PAK2: variants seen among roughly 807,000 people sequenced by gnomAD.
PAK2 encodes the protein p21 (RAC1) activated kinase 2.
A neutral mutation model predicts 65.9 loss-of-function variants in PAK2; 21 were observed. The observed-to-expected ratio is 0.32, with a 90% CI of 0.23 to 0.46. The LOEUF (loss-of-function observed/expected upper bound fraction) is 0.46, where lower values mean the gene tolerates loss of function less well. Among genes scored for constraint, PAK2 ranks in the 20% least tolerant of loss-of-function variants. The pLI, the probability that PAK2 is intolerant of heterozygous loss-of-function variation, is 1.00. For synonymous variants in PAK2, 204 were observed against 219.7 expected (o/e 0.93, Z 0.63); for missense variants, 324 against 642.6 (o/e 0.50, Z 5.36).
intron 2 of PAK2, among the ~76,000 whole-genome samples, chr3:196,799,350 A>T (rs1438149807): frequency 2.0e-5 from 3 of 152,240 alleles, no homozygotes; most frequent in Non-Finnish European, 4.4e-5. Flanking sequence ...TGCGCTCTGC[A>T]CTGATAACTA....
chr3:196,751,053 C>T (rs910825516), intron 1 of PAK2, among the ~76,000 whole-genome samples: 2 of 152,098 alleles, frequency 1.3e-5, no homozygotes, highest in Non-Finnish European at 2.9e-5. Flanking sequence ...TACCTCCAGC[C>T]CCCAGTAGCC....
intron 1 of PAK2, among the ~76,000 whole-genome samples, chr3:196,743,911 T>A (rs552621883): frequency 6.6e-6 from 1 of 151,766 alleles, no homozygotes; most frequent in East Asian, 1.9e-4. Flanking sequence ...AACAAAAAAC[T>A]GCCTTCTAAA....
chr3:196,790,847 G>T (rs980186657), intron 2 of PAK2, among the ~76,000 whole-genome samples: 1 of 152,162 alleles, frequency 6.6e-6, no homozygotes, highest in African/African-American at 2.4e-5. Flanking sequence ...CCCCCACCCT[G>T]GAGAGGGCCA....
At chr3:196,800,268 G>C (rs1378458786) in intron 2 of PAK2, among the ~76,000 whole-genome samples, 1 of 152,062 alleles carries the variant, frequency 6.6e-6, no homozygotes, top group Non-Finnish European at 1.5e-5. Flanking sequence ...TGTAATCCCA[G>C]CTCCTCAGGA....
chr3:196,758,953 C>T (rs745524078), intron 1 of PAK2, among the ~76,000 whole-genome samples: 7 of 152,122 alleles, frequency 4.6e-5, no homozygotes, highest in South Asian at 4.2e-4. Flanking sequence ...CCACCACACC[C>T]GTCCAAGGAT....
chr3:196,812,093 TTTAAGCACGTTAGGTCATCCTG>T, intron 8 of PAK2, 104 bp from the exon 9 acceptor site: 1 of 603,190 alleles, frequency 1.7e-6, no homozygotes, highest in South Asian at 2.0e-5. Flanking sequence ...TTTTACTCCT[TTTAAGCACGTTAGGTCATCCTG>T]TTCTTTAATT....
intron 1 of PAK2, among the ~76,000 whole-genome samples, chr3:196,766,089 G>T (rs141568983): frequency 6.6e-6 from 1 of 151,696 alleles, no homozygotes; most frequent in African/African-American, 2.4e-5. Context: ...TAGAGATGAG[G>T]TTTCACCATG....
intron 1 of PAK2, among the ~76,000 whole-genome samples, chr3:196,759,405 C>A (rs569965015): frequency 1.4e-5 from 2 of 145,346 alleles, no homozygotes; most frequent in East Asian, 4.0e-4. Flanking sequence ...TGGTTTCTTT[C>A]TTTTCCTTAA....
intron 1 of PAK2, among the ~76,000 whole-genome samples, chr3:196,762,709 C>T (rs1188588737): frequency 6.7e-6 from 1 of 148,334 alleles, no homozygotes; most frequent in African/African-American, 2.5e-5. Flanking sequence ...AGAGGAGAAC[C>T]GCTTTAACCG....
intron 2 of PAK2, among the ~76,000 whole-genome samples, chr3:196,787,302 C>G (rs1026922461): frequency 6.6e-6 from 1 of 151,834 alleles, no homozygotes; most frequent in Non-Finnish European, 1.5e-5. Flanking sequence ...GACTTTGGGC[C>G]GGGCACCGTG....
chr3:196,764,170 C>T (rs1052590048), intron 1 of PAK2, among the ~76,000 whole-genome samples: 1 of 151,766 alleles, frequency 6.6e-6, no homozygotes, highest in Admixed American at 6.6e-5. Context: ...ACTTTATAAA[C>T]AGACACTGGG....
intron 13 of PAK2, among the ~76,000 whole-genome samples, chr3:196,822,163 C>T (rs1191740946): frequency 1.3e-5 from 2 of 152,174 alleles, no homozygotes; most frequent in Non-Finnish European, 2.9e-5. Context: ...CATTAAAGCC[C>T]TCTAATGTTA....
rs1327233857 is a variant in PAK2, at chr3:196,830,396, A to G, written c.*1991A>G. The G allele has an allele frequency of 6.6e-6, 1 of 152,212 alleles. No homozygotes were observed. Among genetic ancestry groups the G allele is most frequent in the African/African-American group, 2.4e-5 (1 of 41,458 alleles). 9.4% of individuals were successfully genotyped at this position (152,212 alleles called of 1,614,324 possible). On this transcript the variant is annotated 3_prime_UTR_variant, in exon 15 of 15. Transcript: ENST00000327134. ...AAGCTGCAGTGCCACCTGAGTTCCAAATTTTACCATTCTTTGTAAACAGTT... is the reference window on the plus strand; with the variant it reads ...AAGCTGCAGTGCCACCTGAGTTCCAGATTTTACCATTCTTTGTAAACAGTT...
chr3:196,757,702 C>T (rs764604192), intron 1 of PAK2, among the ~76,000 whole-genome samples: 8 of 152,212 alleles, frequency 5.3e-5, no homozygotes, highest in Non-Finnish European at 1.0e-4. Context: ...CAGCTGTGCC[C>T]TGTGATCTCC....
At chr3:196,787,035 G>T (rs531954870) in intron 2 of PAK2, among the ~76,000 whole-genome samples, 87 of 151,872 alleles carry the variant, frequency 5.7e-4, no homozygotes, top group Non-Finnish European at 1.2e-3. Flanking sequence ...TGTTGCCCAG[G>T]CTGGTCTCAA....
At chr3:196,760,148 T>C (rs536549849) in intron 1 of PAK2, among the ~76,000 whole-genome samples, 1 of 152,262 alleles carries the variant, frequency 6.6e-6, no homozygotes, top group Admixed American at 6.5e-5. Flanking sequence ...CAGGGTCTTC[T>C]ATATTGTCCA....
chr3:196,766,219 A>G (rs907662134), intron 1 of PAK2, among the ~76,000 whole-genome samples: 8 of 151,982 alleles, frequency 5.3e-5, no homozygotes, highest in South Asian at 2.1e-4. Context: ...TTATTTTTAT[A>G]TTTTCTTCTC....
chr3:196,787,959 C>T (rs1268568426), intron 2 of PAK2, among the ~76,000 whole-genome samples: 1 of 152,262 alleles, frequency 6.6e-6, no homozygotes, highest in Non-Finnish European at 1.5e-5. Context: ...GTTGCTCTCA[C>T]TGGATTATCC....
At chr3:196,803,369 T>G (rs1332612781) in intron 4 of PAK2, among the ~76,000 whole-genome samples, 3 of 152,230 alleles carry the variant, frequency 2.0e-5, no homozygotes, top group Admixed American at 6.5e-5. Flanking sequence ...CTCATAGGTT[T>G]GCCAGAAACG....
Sources: allele counts gnomAD v4.1 joint callset (sites outside exome capture counted in the v4.1 genomes callset), GRCh38; gene constraint gnomAD v4.1.1; transcripts MANE v1.5; gene names NCBI Gene and HGNC (gene_info 2026-07-23, HGNC 2026-07-21).